RNF43: variants seen among roughly 807,000 people sequenced by gnomAD.
The protein encoded by RNF43 is E3 ubiquitin-protein ligase RNF43.
In RNF43, 37 loss-of-function variants were observed where a neutral mutation model predicts 78.4. That is an observed-to-expected ratio of 0.47 (90% CI 0.36 to 0.62). The LOEUF (loss-of-function observed/expected upper bound fraction) is 0.62, where lower values mean the gene tolerates loss of function less well. Ranked by LOEUF, RNF43 falls within the 20% of genes least tolerant of loss-of-function variation. The pLI, the probability that RNF43 is intolerant of heterozygous loss-of-function variation, is 0.00. For synonymous variants in RNF43, 347 were observed against 395.0 expected (o/e 0.88, Z 1.44); for missense variants, 774 against 1,007.9 (o/e 0.77, Z 3.14).
At chr17:58,397,428 A>AG (rs1973705387) in intron 2 of RNF43, among the ~76,000 whole-genome samples, 2 of 152,312 alleles carry the variant, frequency 1.3e-5, no homozygotes, top group Middle Eastern at 3.4e-3. Flanking sequence ...TGGGAGGCTG[A>AG]GGCGGGAGGA....
At chr17:58,410,044 T>A (rs1360360173) in intron 2 of RNF43, among the ~76,000 whole-genome samples, 1 of 106,920 alleles carries the variant, frequency 9.4e-6, no homozygotes, top group East Asian at 3.2e-4. Context: ...GTCTGCCAAA[T>A]GAACACTAAA....
chr17:58,415,060 G>T (rs1158175914), intron 2 of RNF43, among the ~76,000 whole-genome samples: 1 of 151,952 alleles, frequency 6.6e-6, no homozygotes, highest in Non-Finnish European at 1.5e-5. Flanking sequence ...TTGAAAAAAA[G>T]GTATTATTAT....
intron 2 of RNF43, among the ~76,000 whole-genome samples, chr17:58,372,308 C>A (rs1973115697): frequency 6.6e-6 from 1 of 152,204 alleles, no homozygotes; most frequent in African/African-American, 2.4e-5. Context: ...TGCTTTGAAT[C>A]AAAATCTCTG....
intron 2 of RNF43, among the ~76,000 whole-genome samples, chr17:58,405,683 G>C (rs563287134): frequency 6.9e-6 from 1 of 144,054 alleles, no homozygotes; most frequent in South Asian, 2.2e-4. Flanking sequence ...CAGAGAGAGA[G>C]ACCCTGTCTC....
intron 9 of RNF43, among the ~76,000 whole-genome samples, chr17:58,355,450 T>C (rs1267505459): frequency 6.6e-6 from 1 of 151,976 alleles, no homozygotes; most frequent in African/African-American, 2.4e-5. Flanking sequence ...TTCCTGGAAG[T>C]GGGGATAAAT....
intron 1 of RNF43, 31 bp from the exon 2 acceptor site, chr17:58,415,993 C>A: frequency 3.8e-6 from 1 of 260,634 alleles, no homozygotes; most frequent in Non-Finnish European, 7.5e-6. Flanking sequence ...CAAAACAAGG[C>A]AAAGTAAACA....
intron 2 of RNF43, among the ~76,000 whole-genome samples, chr17:58,376,356 G>A (rs571633288): frequency 7.6e-6 from 1 of 132,238 alleles, no homozygotes; most frequent in African/African-American, 2.9e-5. Context: ...ATAGGACCTT[G>A]GTGTTAGATT....
chr17:58,376,888 T>C (rs1973215541), intron 2 of RNF43, among the ~76,000 whole-genome samples: 1 of 152,152 alleles, frequency 6.6e-6, no homozygotes, highest in Non-Finnish European at 1.5e-5. Context: ...GAGGGGCAAA[T>C]TAAGAGGCAC....
Position 58,354,838 on chromosome 17 carries a change from T to C in RNF43, c.*105A>G. 1 of 1,014,686 alleles carries C rather than the reference T, an allele frequency of 9.9e-7. No individual in the cohort carries two copies. The highest frequency in any genetic ancestry group is 1.6e-5 in the African/African-American group (1 of 63,612). 62.9% of individuals were successfully genotyped at this position (1,014,686 alleles called of 1,614,324 possible). On this transcript the variant is annotated 3_prime_UTR_variant, in exon 10 of 10. Transcript: ENST00000407977. ...CTTCTAGGAAGTACGGCAAAAAGAA[T>C]GGTGTTTGCTGTGGTCCTTTCCTTT...
intron 9 of RNF43, among the ~76,000 whole-genome samples, chr17:58,355,899 A>G (rs927828758): frequency 1.3e-5 from 2 of 152,256 alleles, no homozygotes; most frequent in Non-Finnish European, 1.5e-5. Context: ...AGACACTGGC[A>G]GGGCCATCAG....
At position 58,417,464 on chromosome 17, in the gene RNF43, T is replaced by C. The variant is rs778138861; in HGVS notation, c.-833A>G. 1 of 152,236 alleles carries C rather than the reference T, an allele frequency of 6.6e-6. No individual in the cohort carries two copies. The highest frequency in any genetic ancestry group is 1.5e-5 in the Non-Finnish European group (1 of 68,048). The allele number at this position is 152,236 out of a possible 1,614,324, so 9.4% of individuals were successfully genotyped here. A position where few individuals can be genotyped will look rare whatever the true frequency, so the allele number is the denominator to read the frequency against. ...GAGAGAAGGCAGTATCTCTGAATCA[T>C]GGATGGACTTGGAAAGTTCGGAAGG... On this transcript the variant is annotated 5_prime_UTR_variant, in exon 1 of 10. The change abolishes an upstream ATG in the 5' untranslated region. Transcript: ENST00000407977.
chr17:58,357,253 T>G lies in RNF43; in HGVS notation c.2308+215A>C. On this transcript the variant is annotated intron_variant, in intron 9 of 9. Transcript: ENST00000407977. This position sits in a 1 kb window ranked among gnomAD's most constrained non-coding sequence, Gnocchi z 4.5. Reference sequence around the variant, plus strand: ...GCACCTCCCTGGGACCTCCCTGTGATCTGCCAACTAAAGGGGTAGCACCTG... The same window carrying G: ...GCACCTCCCTGGGACCTCCCTGTGAGCTGCCAACTAAAGGGGTAGCACCTG... 1 of 733,592 alleles carries G rather than the reference T, an allele frequency of 1.4e-6. No individual in the cohort carries two copies. The highest frequency in any genetic ancestry group is 2.4e-6 in the Non-Finnish European group (1 of 412,610). 45.4% of individuals were successfully genotyped at this position (733,592 alleles called of 1,614,324 possible).
At chr17:58,366,832 A>G (rs574941479) in intron 3 of RNF43, among the ~76,000 whole-genome samples, 1 of 152,124 alleles carries the variant, frequency 6.6e-6, no homozygotes, top group South Asian at 2.1e-4. Flanking sequence ...TATAATTATA[A>G]TTATTATTTT....
intron 2 of RNF43, among the ~76,000 whole-genome samples, chr17:58,411,015 T>G (rs957461591): frequency 6.6e-6 from 1 of 152,214 alleles, no homozygotes; most frequent in Admixed American, 6.5e-5. Flanking sequence ...ACTTACTAGA[T>G]AATAATAGTT....
At chr17:58,375,946 G>A (rs1973196333) in intron 2 of RNF43, among the ~76,000 whole-genome samples, 1 of 152,182 alleles carries the variant, frequency 6.6e-6, no homozygotes, top group African/African-American at 2.4e-5. Context: ...TGAACTCACT[G>A]AGGAAGTGTG....
At chr17:58,371,132 AGG>A (rs2143518223) in intron 2 of RNF43, 99 bp from the exon 3 acceptor site, 2 of 1,262,234 alleles carry the variant, frequency 1.6e-6, no homozygotes, top group East Asian at 5.1e-5. Flanking sequence ...GGTACCAGGC[AGG>A]TCTCTTGGTG....
intron 6 of RNF43, among the ~76,000 whole-genome samples, chr17:58,361,902 T>C (rs1280839487): frequency 6.6e-6 from 1 of 152,154 alleles, no homozygotes; most frequent in East Asian, 1.9e-4. Flanking sequence ...CAATGTGGCC[T>C]TCTCTGGACT....
chr17:58,359,093 G>A (rs1972773549), intron 8 of RNF43, among the ~76,000 whole-genome samples: 1 of 152,146 alleles, frequency 6.6e-6, no homozygotes, highest in South Asian at 2.1e-4. Flanking sequence ...GCCACTGTTA[G>A]CCCATAGGGC....
At chr17:58,376,840 G>T (rs898832206) in intron 2 of RNF43, among the ~76,000 whole-genome samples, 5 of 152,128 alleles carry the variant, frequency 3.3e-5, no homozygotes, top group Non-Finnish European at 7.4e-5. Flanking sequence ...TTCCTCAAAG[G>T]CCAGGAGTTA....
Sources: gnomAD v4.1 joint callset for allele counts (sites outside exome capture counted in the v4.1 genomes callset) on GRCh38, gnomAD v4.1.1 for gene constraint, Gnocchi (gnomAD v3.1) non-coding constraint, MANE v1.5 for transcripts, NCBI Gene and HGNC (gene_info 2026-07-23, HGNC 2026-07-21) for gene names.